The following HNF4A variants were observed in gnomAD, a reference collection of about 807,000 sequenced individuals.
HNF4A encodes the protein hepatocyte nuclear factor 4 alpha, also known as hepatocyte nuclear factor 4-alpha.
A neutral mutation model predicts 52.4 loss-of-function variants in HNF4A; 15 were observed. That is an observed-to-expected ratio of 0.29 (90% confidence interval 0.19 to 0.44). The LOEUF (loss-of-function observed/expected upper bound fraction) is 0.44. HNF4A is among the 20% of genes least tolerant of loss of function. The probability of loss-of-function intolerance (pLI) is 1.00; values close to 1 mark genes in which losing one functional copy is unlikely to be tolerated. For missense variants in HNF4A, 479 were observed against 647.2 expected (o/e 0.74, Z 2.82); for synonymous variants, 280 against 264.4 (o/e 1.06, Z -0.57).
chr20:44,379,925 G>A (rs192006491), intron 1 of HNF4A, among the ~76,000 whole-genome samples: 83 of 152,136 alleles, frequency 5.5e-4, no homozygotes, highest in Non-Finnish European at 9.4e-4. Context: ...GTAGAGATGG[G>A]GTTTCACCAT....
intron 1 of HNF4A, among the ~76,000 whole-genome samples, chr20:44,385,616 G>A (rs1399281700): frequency 6.6e-6 from 1 of 151,624 alleles, no homozygotes; most frequent in Non-Finnish European, 1.5e-5. Flanking sequence ...TTACAGGCAT[G>A]CACCACCACA....
At chr20:44,383,118 T>C (rs1321571748) in intron 1 of HNF4A, among the ~76,000 whole-genome samples, 1 of 152,074 alleles carries the variant, frequency 6.6e-6, no homozygotes, top group East Asian at 1.9e-4. Flanking sequence ...TGCAGTGAGC[T>C]GTGATGGCGC....
rs117081274 is a variant in HNF4A at position 44,362,634 on chromosome 20, G to C, written c.49+6781G>C. Among the ~76,000 whole-genome samples the C allele has an allele frequency of 3.4e-3, 521 of 152,166 alleles. 4 individuals are homozygous for C. Among genetic ancestry groups the C allele is most frequent in the East Asian group, 0.018 (92 of 5,176 alleles). On this transcript the variant is annotated intron_variant, in intron 1 of 9. Transcript: ENST00000316673. Reference sequence around the variant, plus strand: ...GCCTTGCAATAACCCATCCAAGTAGGAAATATTATCTCCATTTTATAAACA... The same window carrying C: ...GCCTTGCAATAACCCATCCAAGTAGCAAATATTATCTCCATTTTATAAACA...
chr20:44,429,417 T>G, intron 9 of HNF4A, 106 bp from the exon 10 acceptor site: 2 of 1,219,540 alleles, frequency 1.6e-6, no homozygotes, highest in South Asian at 1.3e-5. Context: ...AGAAATTAAG[T>G]CAAGGTGGGG....
chr20:44,389,191 T>C lies in HNF4A; in HGVS notation c.50-16867T>C, dbSNP rs975147788. 5.9e-5 allele frequency among the ~76,000 whole-genome samples: 9 copies of C among 152,254 alleles called. 1 individual carries two copies. The highest frequency in any genetic ancestry group is 2.2e-4 in the African/African-American group (9 of 41,480). ...AGGCCACTAGCTCAGGGGATCGTCC[T>C]GCCCATCCCCAGGTGCTATCACATC... is the stretch of plus-strand genomic sequence containing the variant. On this transcript the variant is annotated intron_variant, in intron 1 of 9. Coordinates refer to the HNF4A transcript ENST00000316673.
At chr20:44,372,264 G>A (rs928961748) in intron 1 of HNF4A, among the ~76,000 whole-genome samples, 2 of 152,168 alleles carry the variant, frequency 1.3e-5, no homozygotes, top group African/African-American at 2.4e-5. Context: ...GGCCAGCACT[G>A]GCCGGGTCCC....
intron 1 of HNF4A, chr20:44,389,743 T>C (rs1568707642): frequency 1.3e-5 from 2 of 152,310 alleles, no homozygotes; most frequent in African/African-American, 2.4e-5. Flanking sequence ...ACCAGTCTAA[T>C]TACCATCTGA....
chr20:44,370,179 C>T (rs1336011796), intron 1 of HNF4A, among the ~76,000 whole-genome samples: 5 of 152,244 alleles, frequency 3.3e-5, no homozygotes, highest in African/African-American at 9.6e-5. Context: ...AGGCGCCCGC[C>T]ACTGCGCCCG....
chr20:44,430,191 C>T lies in HNF4A; in HGVS notation c.*526C>T, dbSNP rs530757862. On this transcript the variant is annotated 3_prime_UTR_variant, in exon 10 of 10. Transcript: ENST00000316099. The stretch of plus-strand genomic sequence containing the variant: ...TCACCTTGCTCAGCCATCCCGTCTT[C>T]TCCAACACCACCTCTCCAGAGGCCA... The T allele has an allele frequency of 6.4e-6, 1 of 157,286 alleles. No individual in the cohort carries two copies. Among genetic ancestry groups the T allele is most frequent in the Admixed American group, 6.4e-5 (1 of 15,672 alleles). The allele number at this position is 157,286 out of a possible 1,614,324, so 9.7% of individuals were successfully genotyped here. A position where few individuals can be genotyped will look rare whatever the true frequency, so the allele number is the denominator to read the frequency against.
upstream of HNF4A, among the ~76,000 whole-genome samples, chr20:44,400,862 C>T (rs1420263634): frequency 6.6e-6 from 1 of 151,810 alleles, no homozygotes; most frequent in East Asian, 1.9e-4. Context: ...TCTGCAAAAG[C>T]ATTGAGGGTA....
chr20:44,370,188 C>T (rs1186656636), intron 1 of HNF4A, among the ~76,000 whole-genome samples: 3 of 152,190 alleles, frequency 2.0e-5, no homozygotes, highest in African/African-American at 7.2e-5. Flanking sequence ...CCACTGCGCC[C>T]GGCTAATTTT....
In HNF4A at chr20:44,424,185, C is replaced by A; in HGVS notation, c.1060C>A (p.Gln354Lys). 6.2e-7 allele frequency: 1 copy of A among 1,614,030 alleles called. No homozygotes were observed. The highest frequency in any genetic ancestry group is 8.5e-7 in the Non-Finnish European group (1 of 1,180,014). The change falls in exon 8 of 10, where the codon CAG becomes AAG. Residue 354 changes from glutamine (Q) to lysine (K), a missense_variant. This residue lies in a region of HNF4A where 389 missense variants were observed against 525.1 expected (regional missense o/e 0.74). Transcript: ENST00000316099. ...GAGCATCACCTGGCAGATGATCGAGCAGATCCAGTTCATCAAGCTCTTCGG... is the reference window on the plus strand; with the variant it reads ...GAGCATCACCTGGCAGATGATCGAGAAGATCCAGTTCATCAAGCTCTTCGG...
At chr20:44,416,693 A>G (rs76494179) in intron 5 of HNF4A, among the ~76,000 whole-genome samples, 1,690 of 152,330 alleles carry the variant, frequency 0.011, 15 homozygotes, top group Non-Finnish European at 0.019. Flanking sequence ...GAGGAAGTCA[A>G]GATGTTTGCT....
chr20:44,404,786 C>G (rs117621179), intron 1 of HNF4A, among the ~76,000 whole-genome samples: 1 of 96 alleles, frequency 0.01, no homozygotes, highest in Non-Finnish European at 0.015. Context: ...TGTGTGTGTG[C>G]GTGTGTCTGT....
chr20:44,384,159 CTTTTTTTTTT>C (rs371586705), intron 1 of HNF4A, among the ~76,000 whole-genome samples: 3 of 125,548 alleles, frequency 2.4e-5, no homozygotes, highest in Non-Finnish European at 3.3e-5. Context: ...CCCCTGGCTC[CTTTTTTTTTT>C]TTTTTTTTTT....
At chr20:44,419,582 C>T (rs1190486122) in intron 6 of HNF4A, 139 bp from the exon 7 acceptor site, 9 of 808,618 alleles carry the variant, frequency 1.1e-5, no homozygotes, top group Non-Finnish European at 1.9e-5. Context: ...AGCTTCCTTA[C>T]CTGTGAAATG....
intron 1 of HNF4A, among the ~76,000 whole-genome samples, chr20:44,403,001 C>T (rs1214948995): frequency 6.6e-6 from 1 of 152,242 alleles, no homozygotes; most frequent in Non-Finnish European, 1.5e-5. Flanking sequence ...GGCCTGCTGG[C>T]TGGACGGCTT....
chr20:44,416,256 G>A (rs911074718), intron 5 of HNF4A, among the ~76,000 whole-genome samples: 2 of 152,204 alleles, frequency 1.3e-5, no homozygotes, highest in Non-Finnish European at 2.9e-5. Context: ...GGGCATCCCT[G>A]GGAAAGTCGG....
At chr20:44,357,406 C>T (rs985721732) in intron 1 of HNF4A, among the ~76,000 whole-genome samples, 1 of 152,010 alleles carries the variant, frequency 6.6e-6, no homozygotes, top group Non-Finnish European at 1.5e-5. Flanking sequence ...GTATAGATGC[C>T]AATGGATGAC....
Sources: gnomAD v4.1 joint callset for allele counts (sites outside exome capture counted in the v4.1 genomes callset) on GRCh38, gnomAD v4.1.1 for gene constraint, gnomAD v4.1.1 regional missense constraint, MANE v1.5 for transcripts, NCBI Gene and HGNC (gene_info 2026-07-23, HGNC 2026-07-21) for gene names.